The following NCOA2 variants were observed in gnomAD, a reference collection of about 807,000 sequenced individuals.
NCOA2 encodes nuclear receptor coactivator 2, also known as class E basic helix-loop-helix protein 75.
NCOA2 carries 21 observed loss-of-function variants against 145.1 expected under a neutral mutation model. The ratio of observed to expected loss-of-function variants is 0.14; its 90% confidence interval spans 0.10 to 0.21. The LOEUF is 0.21. NCOA2 is among the 10% of genes least tolerant of loss of function. NCOA2 has a pLI of 1.00. For missense variants in NCOA2, 1,472 were observed against 1,837.6 expected (o/e 0.80, Z 3.64); for synonymous variants, 619 against 637.5 (o/e 0.97, Z 0.44).
At chr8:70,339,363 T>A (rs1310897744) in intron 1 of NCOA2, among the ~76,000 whole-genome samples, 1 of 151,952 alleles carries the variant, frequency 6.6e-6, no homozygotes, top group Non-Finnish European at 1.5e-5. Flanking sequence ...TACCTAGGAA[T>A]ACAGCTAACA....
chr8:70,224,762 TATTTAATTA>T (rs201413856), intron 2 of NCOA2, among the ~76,000 whole-genome samples: 4,831 of 150,942 alleles, frequency 0.032, 242 homozygotes, highest in African/African-American at 0.11. Flanking sequence ...ACGTTACATA[TATTTAATTA>T]ATTTATTATA....
chr8:70,295,988 TA>T (rs1488463131), intron 2 of NCOA2, among the ~76,000 whole-genome samples: 3 of 152,220 alleles, frequency 2.0e-5, no homozygotes, highest in Non-Finnish European at 4.4e-5. Flanking sequence ...TTTCTATTTG[TA>T]TTTACAAAGT....
chr8:70,154,957 G>A (rs75596384), intron 11 of NCOA2, among the ~76,000 whole-genome samples: 11,296 of 152,264 alleles, frequency 0.074, 527 homozygotes, highest in East Asian at 0.12. Flanking sequence ...AAAAGTATGT[G>A]AGGTAATGTA....
intron 4 of NCOA2, among the ~76,000 whole-genome samples, chr8:70,209,169 G>A (rs1818764778): frequency 6.6e-6 from 1 of 152,170 alleles, no homozygotes; most frequent in Non-Finnish European, 1.5e-5. Context: ...CTTCAGTGGA[G>A]GAAGTAACTC....
chr8:70,367,921 T>A (rs925289546), intron 1 of NCOA2, among the ~76,000 whole-genome samples: 8 of 152,216 alleles, frequency 5.3e-5, no homozygotes, highest in African/African-American at 1.9e-4. Flanking sequence ...ATTCTGTGTC[T>A]TTTTTAGGGT....
At chr8:70,169,950 A>T (rs1814048869) in intron 6 of NCOA2, among the ~76,000 whole-genome samples, 1 of 152,058 alleles carries the variant, frequency 6.6e-6, no homozygotes, top group Non-Finnish European at 1.5e-5. Flanking sequence ...GCTAAGAAGC[A>T]ATGATTTTCA....
intron 8 of NCOA2, among the ~76,000 whole-genome samples, 180 bp from the exon 9 acceptor site, chr8:70,163,034 A>C (rs1813222148): frequency 6.7e-6 from 1 of 149,172 alleles, no homozygotes; most frequent in Non-Finnish European, 1.5e-5. Flanking sequence ...TGTGAATCAG[A>C]TGCCCAAGTA....
At chr8:70,383,494 G>GT (rs141542084) in intron 1 of NCOA2, among the ~76,000 whole-genome samples, 17,105 of 151,212 alleles carry the variant, frequency 0.11, 1,555 homozygotes, top group African/African-American at 0.25. Flanking sequence ...AATCATCCTA[G>GT]TTTTTTTTGT....
intron 4 of NCOA2, among the ~76,000 whole-genome samples, chr8:70,207,714 A>C (rs1818590333): frequency 6.6e-6 from 1 of 151,870 alleles, no homozygotes; most frequent in African/African-American, 2.4e-5. Flanking sequence ...AAATACAAAA[A>C]TTAGCCAGGC....
chr8:70,328,737 T>C (rs772381039), intron 1 of NCOA2, among the ~76,000 whole-genome samples: 73 of 152,270 alleles, frequency 4.8e-4, no homozygotes, highest in Middle Eastern at 6.8e-3. Flanking sequence ...TTCATTTGCA[T>C]TTCTCTGGTG....
the NCOA2 span, among the ~76,000 whole-genome samples, chr8:70,443,202 A>T: frequency 3.1e-5 from 4 of 129,454 alleles, no homozygotes; most frequent in African/African-American, 1.2e-4. Flanking sequence ...CCATTTCTAC[A>T]AAAAGTTTTT....
rs539968948 is a variant in NCOA2, at chr8:70,277,209, T to C, written c.-20+19535A>G. Among the ~76,000 whole-genome samples, 4 of 151,632 alleles carry C rather than the reference T, an allele frequency of 2.6e-5. No homozygotes were observed. In the South Asian group the frequency reaches 8.5e-4, roughly 32 times the overall value. On this transcript the variant is annotated intron_variant, in intron 2 of 22. Coordinates refer to ENST00000452400, the MANE Select transcript of NCOA2 (RefSeq NM_006540.4). ...ACAAAATGAGACAAATGCCCAAAAA[T>C]GGTCTGTATAACATTTCTGCAATAA...
the NCOA2 span, among the ~76,000 whole-genome samples, chr8:70,413,727 C>A: frequency 2.0e-5 from 3 of 152,162 alleles, no homozygotes; most frequent in African/African-American, 7.2e-5. Flanking sequence ...TGTTTTTATT[C>A]AAAATATTTA....
At chr8:70,450,919 C>G in the NCOA2 span, among the ~76,000 whole-genome samples, 2 of 149,746 alleles carry the variant, frequency 1.3e-5, no homozygotes, top group African/African-American at 2.4e-5. Flanking sequence ...GCTATCTGTT[C>G]TTTAAGGTTA....
At chr8:70,139,104 C>A (rs1810080918) in intron 14 of NCOA2, among the ~76,000 whole-genome samples, 1 of 152,252 alleles carries the variant, frequency 6.6e-6, no homozygotes, top group Non-Finnish European at 1.5e-5. Flanking sequence ...GCCAAGACAA[C>A]CCACAAGCAC....
At chr8:70,422,928 C>T in the NCOA2 span, among the ~76,000 whole-genome samples, 1 of 151,944 alleles carries the variant, frequency 6.6e-6, no homozygotes, top group Non-Finnish European at 1.5e-5. Flanking sequence ...CCCAGGCTGG[C>T]CTCTAACTCC....
At chr8:70,179,417 G>A (rs1815227765) in intron 4 of NCOA2, among the ~76,000 whole-genome samples, 1 of 152,124 alleles carries the variant, frequency 6.6e-6, no homozygotes, top group Admixed American at 6.5e-5. Flanking sequence ...TATACCGGAG[G>A]AGGAAAAGAA....
intron 15 of NCOA2, among the ~76,000 whole-genome samples, chr8:70,136,045 G>A (rs990037136): frequency 6.6e-6 from 1 of 152,202 alleles, no homozygotes; most frequent in Non-Finnish European, 1.5e-5. Context: ...ACCTTACTTA[G>A]AGATACATTT....
chr8:70,434,152 A>G, the NCOA2 span, among the ~76,000 whole-genome samples: 2 of 152,222 alleles, frequency 1.3e-5, no homozygotes, highest in Admixed American at 1.3e-4. Context: ...GCTCCAAAAT[A>G]ATAGGGAAAG....
Sources: allele counts gnomAD v4.1 joint callset (sites outside exome capture counted in the v4.1 genomes callset), GRCh38; gene constraint gnomAD v4.1.1; transcripts MANE v1.5; gene names NCBI Gene and HGNC (gene_info 2026-07-23, HGNC 2026-07-21).